The following WDR17 variants were observed in gnomAD, a reference collection of about 807,000 sequenced individuals.
WDR17 encodes the protein WD repeat-containing protein 17.
WDR17 carries 143 observed loss-of-function variants against 161.7 expected under a neutral mutation model. That is an observed-to-expected ratio of 0.88 (90% CI 0.77 to 1.02). The LOEUF is 1.02. WDR17 is among the 50% of genes least tolerant of loss of function. The pLI, the probability that WDR17 is intolerant of heterozygous loss-of-function variation, is 0.00. For synonymous variants in WDR17, 517 were observed against 515.6 expected, an observed-to-expected ratio of 1.00 and a Z score of -0.04; for missense variants, 1,469 against 1,520.9, an observed-to-expected ratio of 0.97 and a Z score of 0.57.
Position 176,120,115 on chromosome 4 carries a change from A to G in WDR17, c.538+18A>G. The G allele has an allele frequency of 6.3e-7, 1 of 1,579,752 alleles. No homozygotes were observed. The highest frequency in any genetic ancestry group is 8.7e-7 in the Non-Finnish European group (1 of 1,150,186). ...TCATCCAGGTAAGAATTTAATTAGC[A>G]AGGTATCTTAAATAGTATATTTTTC... On this transcript the variant is annotated intron_variant, in intron 4 of 28. Coordinates refer to ENST00000508596, the MANE Select transcript of WDR17 (RefSeq NM_181265.4).
Position 176,128,788 on chromosome 4 carries a change from A to G in WDR17, c.841A>G (p.Ile281Val). The G allele has an allele frequency of 6.2e-7, 1 of 1,606,908 alleles. No individual in the cohort carries two copies. Among genetic ancestry groups the G allele is most frequent in the Non-Finnish European group, 8.5e-7 (1 of 1,177,248 alleles). ...TTGGAATGTTTCAAGAACAACACCT[A>G]TTGATAATCTTAAATTAAAGAAAAC... The part of the protein sequence containing the change: ...RIWNVSRTTP[I>V]DNLKLKKTGF... The change falls in exon 6 of 29, where the codon ATT (isoleucine) becomes GTT (valine). Residue 281 changes from isoleucine to valine, a missense_variant. Transcript: ENST00000508596.
At chr4:176,145,208 T>C (rs899042179) in intron 11 of WDR17, among the ~76,000 whole-genome samples, 5 of 152,186 alleles carry the variant, frequency 3.3e-5, no homozygotes, top group African/African-American at 4.8e-5. Flanking sequence ...GTTCCTCAAA[T>C]AGACTATTCT....
chr4:176,175,538 ATTTG>A (rs146325115), intron 26 of WDR17, among the ~76,000 whole-genome samples: 105,146 of 149,982 alleles, frequency 0.7, 37,103 homozygotes, highest in South Asian at 0.81. Context: ...GCAGTCTTTT[ATTTG>A]TTTGTTTGTT....
Position 176,167,666 on chromosome 4 carries a change from A to AT in WDR17, c.2991-1006_2991-1005insT, listed in dbSNP as rs754030367. ...TCTCAAAAAAAAAAAAAAAAAAAAA[A>AT]AAAAAACAATATCTTGAATTATTGA... is the stretch of plus-strand genomic sequence containing the variant. On this transcript the variant is annotated intron_variant, in intron 22 of 28. Coordinates refer to ENST00000508596, the MANE Select transcript of WDR17 (RefSeq NM_181265.4). Among the ~76,000 whole-genome samples, 2 of 139,866 alleles carry AT rather than the reference A, an allele frequency of 1.4e-5. 1 individual carries two copies. 91.8% of individuals were successfully genotyped at this position (139,866 alleles called of 152,430 possible).
At chr4:176,146,877 A>T (rs78402745) in intron 12 of WDR17, among the ~76,000 whole-genome samples, 5 of 150,190 alleles carry the variant, frequency 3.3e-5, no homozygotes, top group African/African-American at 4.9e-5. Flanking sequence ...GAAAAAAAAA[A>T]TTTTTTTTTT....
chr4:176,078,342 A>G (rs1467025137), intron 1 of WDR17, among the ~76,000 whole-genome samples: 1 of 152,168 alleles, frequency 6.6e-6, no homozygotes, highest in Non-Finnish European at 1.5e-5. Flanking sequence ...CACCTGCTCT[A>G]GTTCAGGGAC....
At chr4:176,164,259 TAA>T (rs1348979662) in intron 22 of WDR17, among the ~76,000 whole-genome samples, 2 of 152,196 alleles carry the variant, frequency 1.3e-5, no homozygotes, top group African/African-American at 4.8e-5. Context: ...CAAAGCTACA[TAA>T]ATCAGCTCTG....
intron 28 of WDR17, among the ~76,000 whole-genome samples, chr4:176,178,178 A>G (rs905855381): frequency 1.3e-5 from 2 of 152,120 alleles, no homozygotes; most frequent in African/African-American, 4.8e-5. Flanking sequence ...TAAATGAAGT[A>G]GCTGGATACT....
intron 22 of WDR17, chr4:176,166,086 G>A (rs370888079): frequency 2.3e-5 from 25 of 1,075,088 alleles, no homozygotes; most frequent in East Asian, 5.8e-5. Flanking sequence ...GGTATTCATC[G>A]TATAATCATG....
chr4:176,140,813 A>AT (rs562092454), intron 10 of WDR17, among the ~76,000 whole-genome samples: 38,527 of 151,624 alleles, frequency 0.25, 5,112 homozygotes, highest in African/African-American at 0.32. Context: ...AATATTAGTG[A>AT]TTTTTTTTTC....
intron 25 of WDR17, among the ~76,000 whole-genome samples, chr4:176,173,739 T>G (rs1751077204): frequency 6.6e-6 from 1 of 151,804 alleles, no homozygotes; most frequent in South Asian, 2.1e-4. Context: ...ATGGTCTCGA[T>G]CTCCTGACCT....
intron 1 of WDR17, among the ~76,000 whole-genome samples, chr4:176,077,508 T>C (rs963539816): frequency 2.0e-5 from 3 of 152,222 alleles, no homozygotes; most frequent in African/African-American, 2.4e-5. Flanking sequence ...AGTACCTTAG[T>C]GTTTAGAGGA....
Position 176,180,885 on chromosome 4 carries a change from T to C in WDR17, c.*1306T>C, listed in dbSNP as rs572725314. On this transcript the variant is annotated 3_prime_UTR_variant, in exon 29 of 29. Coordinates refer to ENST00000508596, the MANE Select transcript of WDR17 (RefSeq NM_181265.4). ...GATAATGTGACTACAGATATTTCAG[T>C]TGGACTAGAATTCTGACTTTGAAAC... 1 of 152,318 alleles carries C rather than the reference T, an allele frequency of 6.6e-6. No homozygotes were observed. The highest frequency in any genetic ancestry group is 1.9e-4 in the East Asian group (1 of 5,184). 9.4% of individuals were successfully genotyped at this position (152,318 alleles called of 1,614,324 possible). A position where few individuals can be genotyped will look rare whatever the true frequency, so the allele number is the denominator to read the frequency against.
intron 1 of WDR17, among the ~76,000 whole-genome samples, chr4:176,069,369 G>A (rs1162964898): frequency 1.3e-5 from 2 of 151,972 alleles, no homozygotes; most frequent in Non-Finnish European, 2.9e-5. Context: ...TTTAAAAAAT[G>A]TACTGTAGAA....
intron 11 of WDR17, among the ~76,000 whole-genome samples, chr4:176,144,445 A>G (rs1745843324): frequency 6.6e-6 from 1 of 152,212 alleles, no homozygotes; most frequent in Non-Finnish European, 1.5e-5. Flanking sequence ...GGAGATGTTC[A>G]ATAAATATTT....
chr4:176,121,041 A>C (rs1741497189), intron 4 of WDR17, among the ~76,000 whole-genome samples: 1 of 152,156 alleles, frequency 6.6e-6, no homozygotes, highest in African/African-American at 2.4e-5. Context: ...GATAAAAATA[A>C]ATGTTCATAT....
intron 1 of WDR17, among the ~76,000 whole-genome samples, chr4:176,070,567 G>A (rs983819133): frequency 6.6e-6 from 1 of 151,772 alleles, no homozygotes; most frequent in Non-Finnish European, 1.5e-5. Flanking sequence ...CTGCTGGAGT[G>A]CAGTGGTGTG....
chr4:176,117,450 G>A (rs1740827031), intron 3 of WDR17, among the ~76,000 whole-genome samples: 1 of 151,800 alleles, frequency 6.6e-6, no homozygotes, highest in Non-Finnish European at 1.5e-5. Context: ...TATTGTTCTC[G>A]TAAAGATGTA....
At position 176,160,031 on chromosome 4, in the gene WDR17, G is replaced by A. The variant is rs747351631; in HGVS notation, c.2563G>A (p.Val855Ile). The change falls in exon 19 of 29, where the codon GTC becomes ATC. Residue 855 changes from valine (V) to isoleucine (I), a missense_variant. Val to Ile is a conservative substitution (Grantham distance 29). Transcript: ENST00000508596. ...DQLIQEDKDD[V>I]IPYCIAIGDV... ...ATTAATCCAGGAAGATAAGGATGAT[G>A]TCATTCCATACTGCATAGCCATTGG... is the stretch of plus-strand genomic sequence containing the variant. 9 of 1,612,064 alleles carry A rather than the reference G, an allele frequency of 5.6e-6. No homozygotes were observed. Among genetic ancestry groups the A allele is most frequent in the African/African-American group, 1.3e-5 (1 of 74,928 alleles).
Sources: gnomAD v4.1 joint callset for allele counts (sites outside exome capture counted in the v4.1 genomes callset) on GRCh38, gnomAD v4.1.1 for gene constraint, MANE v1.5 for transcripts, NCBI Gene and HGNC (gene_info 2026-07-23, HGNC 2026-07-21) for gene names.